Variants in ULK4 observed in about 807,000 individuals in gnomAD.
ULK4 encodes inactive serine/threonine-protein kinase ULK4.
A neutral mutation model predicts 160.6 loss-of-function variants in ULK4; 133 were observed. The ratio of observed to expected loss-of-function variants is 0.83; its 90% CI spans 0.72 to 0.96. The LOEUF is 0.96. ULK4 is among the 40% of genes least tolerant of loss of function. ULK4 has a pLI of 0.00. For synonymous variants in ULK4, 534 were observed against 539.8 expected (o/e 0.99, Z 0.15); for missense variants, 1,580 against 1,499.5 (o/e 1.05, Z -0.89).
intron 32 of ULK4, among the ~76,000 whole-genome samples, chr3:41,498,005 A>G (rs911756287): frequency 6.6e-6 from 1 of 152,216 alleles, no homozygotes. Flanking sequence ...AAAAGAGCAT[A>G]TAGAAAATCA....
At chr3:41,593,017 G>A (rs2031460022) in intron 31 of ULK4, among the ~76,000 whole-genome samples, 1 of 152,132 alleles carries the variant, frequency 6.6e-6, no homozygotes, top group Admixed American at 6.5e-5. Context: ...TGCATAGCTA[G>A]GAATTCTAGA....
intron 30 of ULK4, among the ~76,000 whole-genome samples, chr3:41,646,105 C>T (rs895857192): frequency 2.0e-5 from 3 of 152,144 alleles, no homozygotes; most frequent in South Asian, 2.1e-4. Context: ...TGAGATGGGT[C>T]TCCTGAATAC....
At chr3:41,347,090 G>A (rs916199757) in intron 35 of ULK4, among the ~76,000 whole-genome samples, 2 of 151,928 alleles carry the variant, frequency 1.3e-5, no homozygotes, top group Non-Finnish European at 2.9e-5. Flanking sequence ...AACCCACATA[G>A]GATTCATAAG....
intron 35 of ULK4, among the ~76,000 whole-genome samples, chr3:41,366,015 A>T (rs1425298401): frequency 2.0e-5 from 3 of 152,238 alleles, no homozygotes. Flanking sequence ...ATATGTACTG[A>T]AAGGCTGCAC....
intron 32 of ULK4, among the ~76,000 whole-genome samples, chr3:41,560,655 TTC>T (rs896245757): frequency 6.6e-6 from 1 of 152,098 alleles, no homozygotes; most frequent in Non-Finnish European, 1.5e-5. Flanking sequence ...TATGATTTGG[TTC>T]TCTGTTTGTC....
chr3:41,498,592 CTTTGTTTTTTGT>C (rs2085077580), intron 32 of ULK4, among the ~76,000 whole-genome samples: 5 of 119,438 alleles, frequency 4.2e-5, no homozygotes, highest in African/African-American at 6.3e-5. Context: ...TTTTTTTTTG[CTTTGTTTTTTGT>C]TTTGTTTTTG....
At chr3:41,943,086 A>T (rs1413636656) in intron 2 of ULK4, among the ~76,000 whole-genome samples, 2 of 150,862 alleles carry the variant, frequency 1.3e-5, no homozygotes, top group Non-Finnish European at 3.0e-5. Flanking sequence ...GGTGGTGGGC[A>T]CCTGTAGTCC....
chr3:41,319,773 G>C (rs981284241), intron 35 of ULK4, among the ~76,000 whole-genome samples: 1 of 152,102 alleles, frequency 6.6e-6, no homozygotes, highest in South Asian at 2.1e-4. Flanking sequence ...CCAATTTATT[G>C]ATCTGGAAAT....
At chr3:41,355,116 G>A (rs1488747651) in intron 35 of ULK4, among the ~76,000 whole-genome samples, 1 of 152,182 alleles carries the variant, frequency 6.6e-6, no homozygotes, top group African/African-American at 2.4e-5. Context: ...TTTCAAGAGT[G>A]TCTGTGTATT....
chr3:41,481,651 C>T (rs1368053656), intron 32 of ULK4, among the ~76,000 whole-genome samples: 3 of 151,332 alleles, frequency 2.0e-5, no homozygotes, highest in Admixed American at 6.6e-5. Context: ...AACGGTGAAA[C>T]CCCGTCTCTA....
Position 41,415,979 on chromosome 3 carries a change from C to T in ULK4, c.3493-17715G>A, listed in dbSNP as rs558548117. ...ATGATGTGAATTTTTATATGTCAAA[C>T]ATTATTGTTCCAATGACTTTCATAA... On this transcript the variant is annotated intron_variant, in intron 34 of 36. Coordinates refer to ENST00000301831, the MANE Select transcript of ULK4 (RefSeq NM_017886.4). 2.2e-4 allele frequency among the ~76,000 whole-genome samples: 33 copies of T among 152,304 alleles called. No homozygotes were observed. In the Middle Eastern group the frequency reaches 0.017, roughly 78 times the overall value.
intron 29 of ULK4, among the ~76,000 whole-genome samples, chr3:41,678,088 T>C (rs557441074): frequency 1.4e-4 from 21 of 152,142 alleles, no homozygotes; most frequent in African/African-American, 4.3e-4. Context: ...CAGGCTCTCC[T>C]GGGTCTCCAG....
chr3:41,803,927 A>G (rs1406471330), intron 19 of ULK4, among the ~76,000 whole-genome samples: 2 of 152,204 alleles, frequency 1.3e-5, no homozygotes, highest in Non-Finnish European at 2.9e-5. Context: ...GCTGTTGTGA[A>G]TAGTGCCACA....
chr3:41,512,968 A>T (rs1392873408), intron 32 of ULK4, among the ~76,000 whole-genome samples: 2 of 147,044 alleles, frequency 1.4e-5, no homozygotes, highest in East Asian at 3.9e-4. Flanking sequence ...CCAGAAATAA[A>T]GCCAAATACT....
At chr3:41,472,765 C>A (rs565106121) in intron 32 of ULK4, among the ~76,000 whole-genome samples, 5 of 152,014 alleles carry the variant, frequency 3.3e-5, no homozygotes, top group African/African-American at 9.7e-5. Context: ...GTTTCAAATT[C>A]TTTTTATGAG....
chr3:41,568,621 C>T (rs2087865894), intron 31 of ULK4, among the ~76,000 whole-genome samples: 1 of 152,190 alleles, frequency 6.6e-6, no homozygotes, highest in African/African-American at 2.4e-5. Context: ...TACATTTCTA[C>T]CAGTTGTGTG....
intron 22 of ULK4, among the ~76,000 whole-genome samples, chr3:41,734,037 T>A (rs555861450): frequency 6.6e-6 from 1 of 152,082 alleles, no homozygotes; most frequent in Non-Finnish European, 1.5e-5. Context: ...TGCGCCCAGC[T>A]AGATGTTTTC....
At chr3:41,922,652 G>T (rs1010586700) in intron 5 of ULK4, among the ~76,000 whole-genome samples, 2 of 151,774 alleles carry the variant, frequency 1.3e-5, no homozygotes, top group African/African-American at 4.8e-5. Flanking sequence ...GGAGAGATGG[G>T]GTGAGAACTG....
At chr3:41,469,845 C>T (rs190792088) in intron 32 of ULK4, among the ~76,000 whole-genome samples, 73 of 150,112 alleles carry the variant, frequency 4.9e-4, no homozygotes, top group Admixed American at 3.2e-3. Flanking sequence ...ACATAGGCTC[C>T]CTCACACTGA....
Sources: gnomAD v4.1 joint callset for allele counts (sites outside exome capture counted in the v4.1 genomes callset) on GRCh38, gnomAD v4.1.1 for gene constraint, MANE v1.5 for transcripts, NCBI Gene and HGNC (gene_info 2026-07-23, HGNC 2026-07-21) for gene names.